Variants in LUZP1 observed in about 807,000 individuals in gnomAD.
The protein encoded by LUZP1 is leucine zipper protein 1.
In LUZP1, 25 loss-of-function variants were observed where a neutral mutation model predicts 71.3. The ratio of observed to expected loss-of-function variants is 0.35; its 90% CI spans 0.26 to 0.49. The LOEUF is 0.49. Among genes scored for constraint, LUZP1 ranks in the 20% least tolerant of loss-of-function variants. The pLI is 0.99. For missense variants in LUZP1, 1,142 were observed against 1,300.8 expected (o/e 0.88, Z 1.88); for synonymous variants, 481 against 506.4 (o/e 0.95, Z 0.67).
intron 2 of LUZP1, among the ~76,000 whole-genome samples, chr1:23,154,194 C>G (rs563524994): frequency 1.3e-5 from 2 of 152,188 alleles, no homozygotes; most frequent in East Asian, 3.9e-4. Context: ...TACAAAAGAG[C>G]AGAAGGGACT....
intron 2 of LUZP1, among the ~76,000 whole-genome samples, chr1:23,116,427 G>A (rs1346813782): frequency 3.9e-5 from 6 of 152,182 alleles, no homozygotes; most frequent in East Asian, 3.9e-4. Flanking sequence ...AAGCTGAGAC[G>A]GGAGAATTGC....
chr1:23,117,084 C>A (rs1644085182), intron 2 of LUZP1, among the ~76,000 whole-genome samples: 1 of 152,144 alleles, frequency 6.6e-6, no homozygotes, highest in African/African-American at 2.4e-5. Flanking sequence ...ATTATTTCTA[C>A]CCCCTGTAAC....
In LUZP1 at chr1:23,126,972, T is replaced by C. The variant is rs763657347; in HGVS notation, c.-225-17845A>G. On this transcript the variant is annotated intron_variant, in intron 2 of 4. Coordinates refer to ENST00000302291, the Ensembl canonical transcript of LUZP1. ...ACTATGTGAGAAGTCAAATGTAATGTTGGCAAATACCAGTGTGAGAGCTAC... is the reference window on the plus strand; with the variant it reads ...ACTATGTGAGAAGTCAAATGTAATGCTGGCAAATACCAGTGTGAGAGCTAC... Among the ~76,000 whole-genome samples, 13 of 152,240 alleles carry C rather than the reference T, an allele frequency of 8.5e-5. No homozygotes were observed. The East Asian group carries it at 9.6e-4, about 11-fold the overall frequency.
At chr1:23,104,396 C>T (rs1442248672) in intron 3 of LUZP1, among the ~76,000 whole-genome samples, 3 of 151,976 alleles carry the variant, frequency 2.0e-5, no homozygotes, top group Admixed American at 6.6e-5. Context: ...GTTGCCAACA[C>T]TGGTCTTGAA....
exon 5 of LUZP1, chr1:23,084,959 A>C (rs1205881832): frequency 6.5e-6 from 1 of 152,730 alleles, no homozygotes; most frequent in Non-Finnish European, 1.5e-5. Flanking sequence ...AGACTCGCAC[A>C]GAGTATACGG....
chr1:23,174,809 G>A (rs2148227506), intron 1 of LUZP1, among the ~76,000 whole-genome samples: 1 of 152,234 alleles, frequency 6.6e-6, no homozygotes, highest in Admixed American at 6.5e-5. Context: ...ATCATAGAAA[G>A]TCAGAATAGG....
At chr1:23,116,726 G>T (rs1644082444) in intron 2 of LUZP1, among the ~76,000 whole-genome samples, 1 of 152,070 alleles carries the variant, frequency 6.6e-6, no homozygotes, top group South Asian at 2.1e-4. Context: ...TTTAATGAGG[G>T]TACTATCCTA....
At chr1:23,135,855 T>C (rs1299068490) in intron 2 of LUZP1, among the ~76,000 whole-genome samples, 6 of 152,236 alleles carry the variant, frequency 3.9e-5, no homozygotes, top group Non-Finnish European at 8.8e-5. Context: ...CAAATTACTA[T>C]AACCCTTAGT....
intron 2 of LUZP1, chr1:23,164,121 C>A (rs989350983): frequency 6.6e-6 from 1 of 151,878 alleles, no homozygotes; most frequent in African/African-American, 2.4e-5. Flanking sequence ...GTGGATTTAA[C>A]AAGAATTCCT....
chr1:23,122,041 T>C (rs1488131258), intron 2 of LUZP1, among the ~76,000 whole-genome samples: 1 of 152,002 alleles, frequency 6.6e-6, no homozygotes, highest in African/African-American at 2.4e-5. Flanking sequence ...AATTAATTAA[T>C]TAATTTTAAA....
rs763518944 is a variant in LUZP1 at position 23,093,124 on chromosome 1, C to T, written c.1138G>A (p.Gly380Arg). The T allele has an allele frequency of 5.0e-6, 8 of 1,614,112 alleles. No individual in the cohort carries two copies. The highest frequency in any genetic ancestry group is 2.2e-5 in the East Asian group (1 of 44,888). ...TGCTTGGACACAGAAGCTTCACTTC[C>T]GTGGCCTCTAAACTTAGTCCTCTCA... is the stretch of plus-strand genomic sequence containing the variant. The change falls in exon 4 of 5, where the codon GGA becomes AGA. Residue 380 changes from glycine (G) to arginine (R), a missense_variant. Coordinates refer to ENST00000302291, the Ensembl canonical transcript of LUZP1. This position sits in a 1 kb window ranked among gnomAD's most constrained non-coding sequence, Gnocchi z 4.2.
chr1:23,153,608 T>G (rs1026718976), intron 2 of LUZP1, among the ~76,000 whole-genome samples: 1 of 152,230 alleles, frequency 6.6e-6, no homozygotes, highest in Non-Finnish European at 1.5e-5. Flanking sequence ...TAAGGCTAAA[T>G]TATTCAACAT....
At chr1:23,150,925 G>C (rs1213385693) in intron 2 of LUZP1, among the ~76,000 whole-genome samples, 2 of 152,166 alleles carry the variant, frequency 1.3e-5, no homozygotes, top group East Asian at 3.8e-4. Flanking sequence ...TTGGACATTT[G>C]TTTTTAATAA....
At chr1:23,091,739 A>G (rs1270630228) in exon 4 of LUZP1, 2 of 1,613,934 alleles carry the variant, frequency 1.2e-6, no homozygotes, top group Non-Finnish European at 1.7e-6. Flanking sequence ...AGAGCTCAAA[A>G]GGGGAGCTGA....
At chr1:23,113,651 GC>G (rs1450782742) in intron 2 of LUZP1, among the ~76,000 whole-genome samples, 1 of 152,112 alleles carries the variant, frequency 6.6e-6, no homozygotes, top group African/African-American at 2.4e-5. Context: ...GGTGGCCGAG[GC>G]AGGCGGATCA....
intron 1 of LUZP1, among the ~76,000 whole-genome samples, chr1:23,176,065 T>TTA (rs1296447555): frequency 6.7e-6 from 1 of 150,022 alleles, no homozygotes; most frequent in African/African-American, 2.4e-5. Flanking sequence ...TCCTTGACTT[T>TTA]TTTTTTTTTT....
chr1:23,167,801 G>C (rs1644521805), intron 2 of LUZP1, among the ~76,000 whole-genome samples: 1 of 152,122 alleles, frequency 6.6e-6, no homozygotes, highest in South Asian at 2.1e-4. Flanking sequence ...CCTGCAGGCA[G>C]GCTCCGCAGC....
chr1:23,095,629 A>G (rs561601946), intron 3 of LUZP1, among the ~76,000 whole-genome samples: 76 of 152,312 alleles, frequency 5.0e-4, no homozygotes, highest in African/African-American at 1.8e-3. Context: ...CCAGTCCCCA[A>G]TCTAAAGCAA....
intron 2 of LUZP1, among the ~76,000 whole-genome samples, chr1:23,121,337 G>A (rs1644128142): frequency 6.6e-6 from 1 of 152,158 alleles, no homozygotes; most frequent in African/African-American, 2.4e-5. Flanking sequence ...ATTTACATCT[G>A]TTCCTGTACA....
Sources: gnomAD v4.1 joint callset for allele counts (sites outside exome capture counted in the v4.1 genomes callset) on GRCh38, gnomAD v4.1.1 for gene constraint, Gnocchi (gnomAD v3.1) non-coding constraint, MANE v1.5 for transcripts, NCBI Gene and HGNC (gene_info 2026-07-23, HGNC 2026-07-21) for gene names.